Variants in NCOR2 observed in about 807,000 individuals in gnomAD.
NCOR2 encodes the protein nuclear receptor corepressor 2, also known as CTG repeat protein 26.
Under a neutral mutation model 262.9 loss-of-function variants are expected in NCOR2, and 81 were observed. The observed-to-expected ratio is 0.31, with a 90% confidence interval of 0.26 to 0.37. NCOR2 has a LOEUF of 0.37. Ranked by LOEUF, NCOR2 falls within the 10% of genes least tolerant of loss-of-function variation. The pLI is 1.00. For synonymous variants in NCOR2, 1,659 were observed against 1,559.3 expected (o/e 1.06, Z -1.51); for missense variants, 3,385 against 3,621.4 (o/e 0.93, Z 1.68).
intron 16 of NCOR2, chr12:124,388,664 T>A: frequency 2.3e-6 from 3 of 1,303,610 alleles, no homozygotes; most frequent in Non-Finnish European, 3.0e-6. Flanking sequence ...CCCCATCCCC[T>A]CCCCAGGACC....
chr12:124,527,348 T>C (rs1158998532), intron 1 of NCOR2, among the ~76,000 whole-genome samples: 1 of 152,200 alleles, frequency 6.6e-6, no homozygotes, highest in African/African-American at 2.4e-5. Flanking sequence ...TGCCTCAGTT[T>C]CCTCATATGT....
At chr12:124,411,393 G>A (rs559401149) in intron 13 of NCOR2, among the ~76,000 whole-genome samples, 1 of 152,332 alleles carries the variant, frequency 6.6e-6, no homozygotes, top group Non-Finnish European at 1.5e-5. Flanking sequence ...GGCAGCAGTC[G>A]GGGGCGGAGC....
chr12:124,462,127 AACAC>A (rs1048688588), intron 5 of NCOR2, among the ~76,000 whole-genome samples: 2 of 152,204 alleles, frequency 1.3e-5, no homozygotes, highest in African/African-American at 4.8e-5. Flanking sequence ...ACGTGTATCT[AACAC>A]ACATACCACA....
intron 1 of NCOR2, among the ~76,000 whole-genome samples, chr12:124,520,243 GAGGCACAGGA>G (rs2050105312): frequency 6.6e-6 from 1 of 152,190 alleles, no homozygotes; most frequent in Non-Finnish European, 1.5e-5. Flanking sequence ...TAGGGAAACT[GAGGCACAGGA>G]AGGCACGGGC....
rs377397754 is a variant in NCOR2 at position 124,457,121 on chromosome 12, C to A, written c.747G>T (p.Gly249=). Residue 249 remains glycine, a synonymous_variant, in exon 6 of 47, where the codon GGG becomes GGT. Coordinates refer to ENST00000405201, the Ensembl canonical transcript of NCOR2. This position sits in a 1 kb window ranked among gnomAD's most constrained non-coding sequence, Gnocchi z 4.0. Reference sequence around the variant, plus strand: ...CCCAGCTCACCAGCTCCACCTGGGGCCCCAGGCCTTCCAGAATCCGATGTG... The same window carrying A: ...CCCAGCTCACCAGCTCCACCTGGGGACCCAGGCCTTCCAGAATCCGATGTG... 1.0e-4 allele frequency: 136 copies of A among 1,344,436 alleles called. No individual in the cohort carries two copies. Among genetic ancestry groups the A allele is most frequent in the Middle Eastern group, 4.4e-4 (2 of 4,586 alleles). 83.3% of individuals were successfully genotyped at this position (1,344,436 alleles called of 1,614,324 possible).
intron 3 of NCOR2, among the ~76,000 whole-genome samples, chr12:124,476,580 G>C (rs924051005): frequency 3.3e-5 from 5 of 152,162 alleles, no homozygotes; most frequent in Admixed American, 1.3e-4. Flanking sequence ...TCCATCCCCA[G>C]GGCTAACAGG....
rs1477108639 is a variant in NCOR2 at position 124,330,825 on chromosome 12, G to A, written c.6958+20C>T. The A allele has an allele frequency of 6.4e-7, 1 of 1,567,796 alleles. No individual in the cohort carries two copies. The highest frequency in any genetic ancestry group is 8.7e-7 in the Non-Finnish European group (1 of 1,155,450). ...CGGAGGGGACCAGGGCAGCCATATA[G>A]CAAGGGCTGGATGGGTTACCTGTTC... On this transcript the variant is annotated intron_variant, in intron 44 of 46. Transcript: ENST00000405201.
In NCOR2 at chr12:124,548,829, C is replaced by T. The variant is rs556230811; in HGVS notation, c.-164-13218G>A. Among the ~76,000 whole-genome samples, 4 of 152,150 alleles carry T rather than the reference C, an allele frequency of 2.6e-5. No individual in the cohort carries two copies. Among genetic ancestry groups the T allele is most frequent in the African/African-American group, 9.6e-5 (4 of 41,496 alleles). ...TCAAAAAAACCTGCCAGAACCAGTC[C>T]AAATACTAGCTGTTTCTTAAATGTC... On this transcript the variant is annotated intron_variant, in intron 1 of 32. Coordinates refer to the NCOR2 transcript ENST00000458234. This position sits in a 1 kb window ranked among gnomAD's most constrained non-coding sequence, Gnocchi z 5.1.
intron 28 of NCOR2, 182 bp from the exon 31 acceptor site, chr12:124,348,496 C>T (rs925245227): frequency 8.1e-6 from 6 of 737,976 alleles, no homozygotes; most frequent in Middle Eastern, 3.9e-4. Flanking sequence ...GGGGGCCTGC[C>T]AGCAGGACCC....
At chr12:124,438,866 G>GAGACAGAGGA (rs2044583692) in intron 7 of NCOR2, among the ~76,000 whole-genome samples, 1 of 152,264 alleles carries the variant, frequency 6.6e-6, no homozygotes, top group Non-Finnish European at 1.5e-5. Context: ...CAGAGACCCA[G>GAGACAGAGGA]AGACAGAGGA....
rs117591985 is a variant in NCOR2, at chr12:124,469,618, C to A, written c.592-3332G>T. The stretch of plus-strand genomic sequence containing the variant: ...GGCCTGGATTCAAGCCTGAGCCCCC[C>A]GCTCACCAGCTCTGCAGCCTCAGCC... On this transcript the variant is annotated intron_variant, in intron 4 of 46. Coordinates refer to ENST00000405201, the Ensembl canonical transcript of NCOR2. Among the ~76,000 whole-genome samples the A allele has an allele frequency of 1.9e-4, 29 of 152,298 alleles. No homozygotes were observed. In the East Asian group the frequency reaches 4.6e-3, roughly 24 times the overall value.
chr12:124,530,972 GC>G (rs924339308), intron 1 of NCOR2, among the ~76,000 whole-genome samples: 11 of 152,136 alleles, frequency 7.2e-5, no homozygotes, highest in African/African-American at 2.4e-4. Context: ...TCAAATAGCT[GC>G]CCCCAGGCCC....
chr12:124,463,902 T>C (rs117058202), intron 5 of NCOR2, among the ~76,000 whole-genome samples: 6,139 of 151,792 alleles, frequency 0.04, 194 homozygotes, highest in Non-Finnish European at 0.066. Context: ...TCCCCTCCCT[T>C]CCTGCCGCCT....
chr12:124,427,201 G>T (rs2043600373), intron 10 of NCOR2, among the ~76,000 whole-genome samples: 1 of 152,142 alleles, frequency 6.6e-6, no homozygotes, highest in African/African-American at 2.4e-5. Context: ...AGTGGGCCCT[G>T]GGGTCCAGCT....
intron 23 of NCOR2, among the ~76,000 whole-genome samples, chr12:124,356,425 C>A (rs549991348): frequency 6.6e-6 from 1 of 152,262 alleles, no homozygotes; most frequent in Non-Finnish European, 1.5e-5. Context: ...AGCTCAAGCA[C>A]CTGCTGTGGC....
chr12:124,524,965 C>T (rs1407435356), intron 1 of NCOR2, among the ~76,000 whole-genome samples: 2 of 152,208 alleles, frequency 1.3e-5, no homozygotes, highest in African/African-American at 4.8e-5. Context: ...ATGCCACGTG[C>T]CCAATACATG....
intron 1 of NCOR2, among the ~76,000 whole-genome samples, chr12:124,547,456 C>T (rs1364676054): frequency 1.3e-5 from 2 of 152,120 alleles, no homozygotes; most frequent in East Asian, 3.8e-4. Flanking sequence ...AATATATCCC[C>T]CAAGATTAAG....
intron 17 of NCOR2, among the ~76,000 whole-genome samples, chr12:124,382,626 G>A (rs977627542): frequency 1.3e-5 from 2 of 152,142 alleles, no homozygotes; most frequent in Admixed American, 6.5e-5. Flanking sequence ...ATCCTTCAAT[G>A]CAGCCCCCAC....
intron 13 of NCOR2, among the ~76,000 whole-genome samples, chr12:124,414,919 G>C (rs1009705161): frequency 6.6e-6 from 1 of 152,134 alleles, no homozygotes; most frequent in Non-Finnish European, 1.5e-5. Flanking sequence ...GCAGGGGCTC[G>C]TGTGCTCCAT....
Sources: allele counts gnomAD v4.1 joint callset (sites outside exome capture counted in the v4.1 genomes callset), GRCh38; gene constraint gnomAD v4.1.1; non-coding constraint Gnocchi (gnomAD v3.1); transcripts MANE v1.5; gene names NCBI Gene and HGNC (gene_info 2026-07-23, HGNC 2026-07-21).